LRP8: variants seen among roughly 807,000 people sequenced by gnomAD.
LRP8 encodes the protein low-density lipoprotein receptor-related protein 8.
In LRP8, 46 loss-of-function variants were observed where a neutral mutation model predicts 111.6. The observed-to-expected ratio is 0.41, with a 90% CI of 0.33 to 0.53. LRP8 has a LOEUF of 0.53. Among genes scored for constraint, LRP8 ranks in the 20% least tolerant of loss-of-function variants. The pLI is 0.20. For missense variants in LRP8, 959 were observed against 1,297.4 expected, an observed-to-expected ratio of 0.74 and a Z score of 4.01; for synonymous variants, 464 against 511.2, an observed-to-expected ratio of 0.91 and a Z score of 1.24.
At chr1:53,282,992 C>T (rs147168853) in intron 3 of LRP8, among the ~76,000 whole-genome samples, 8 of 152,226 alleles carry the variant, frequency 5.3e-5, no homozygotes, top group African/African-American at 1.7e-4. Context: ...TAAGTTGTGT[C>T]AGGCTGCTCT....
chr1:53,322,961 T>C (rs566804818), intron 2 of LRP8, among the ~76,000 whole-genome samples: 1 of 152,148 alleles, frequency 6.6e-6, no homozygotes, highest in Non-Finnish European at 1.5e-5. Context: ...GGAGGGGTGA[T>C]GGGTGCTGGG....
intron 2 of LRP8, among the ~76,000 whole-genome samples, chr1:53,325,975 CTG>C (rs1303110844): frequency 6.6e-6 from 1 of 152,232 alleles, no homozygotes; most frequent in Non-Finnish European, 1.5e-5. Context: ...CGCAGACACT[CTG>C]AAACCCTGTG....
chr1:53,327,204 A>C, intron 1 of LRP8: 1 of 617,242 alleles, frequency 1.6e-6, no homozygotes, highest in Middle Eastern at 4.4e-4. Context: ...GAGACCAGGC[A>C]CCTACTTAAA....
intron 2 of LRP8, 117 bp from the exon 3 acceptor site, chr1:53,289,806 G>T: frequency 7.7e-7 from 1 of 1,302,290 alleles, no homozygotes; most frequent in Non-Finnish European, 1.1e-6. Context: ...ACCAAGGGCA[G>T]AGGACAGGAG....
chr1:53,307,329 C>T (rs1572647080), intron 2 of LRP8: 1 of 152,290 alleles, frequency 6.6e-6, no homozygotes, highest in South Asian at 2.1e-4. Flanking sequence ...TACCCCGTCC[C>T]ACCTTCTACA....
intron 8 of LRP8, chr1:53,267,196 T>C (rs1225110130): frequency 6.5e-6 from 1 of 154,066 alleles, no homozygotes; most frequent in African/African-American, 2.4e-5. Context: ...CCAGGCACAG[T>C]GGCTCACACC....
rs555062958 is a variant in LRP8, at chr1:53,292,831, G to A, written c.245-3142C>T. 2.0e-5 allele frequency among the ~76,000 whole-genome samples: 3 copies of A among 152,312 alleles called. No homozygotes were observed. The East Asian group carries it at 5.8e-4, about 29-fold the overall frequency. ...AGCAGGGTCACAGTCTGAACCCACA[G>A]TCAGATGCCTGCTCATCTCCACCAC... On this transcript the variant is annotated intron_variant, in intron 2 of 18. Coordinates refer to ENST00000306052, the MANE Select transcript of LRP8 (RefSeq NM_004631.5).
intron 3 of LRP8, among the ~76,000 whole-genome samples, chr1:53,281,740 A>T (rs1434895159): frequency 6.6e-6 from 1 of 152,218 alleles, no homozygotes; most frequent in African/African-American, 2.4e-5. Context: ...TAAAGTGGGG[A>T]TAATACTATC....
At chr1:53,251,153 C>T (rs572294826) in intron 16 of LRP8, among the ~76,000 whole-genome samples, 1 of 152,288 alleles carries the variant, frequency 6.6e-6, no homozygotes, top group Admixed American at 6.5e-5. Flanking sequence ...CTTTATGTAT[C>T]TGTACTCCCA....
chr1:53,286,392 C>G (rs1036873676), intron 3 of LRP8, among the ~76,000 whole-genome samples: 1 of 152,170 alleles, frequency 6.6e-6, no homozygotes, highest in Non-Finnish European at 1.5e-5. Flanking sequence ...AGAGAGGCCC[C>G]CCTCCCAGGT....
chr1:53,269,504 A>G (rs1199467906), intron 8 of LRP8, among the ~76,000 whole-genome samples: 2 of 151,822 alleles, frequency 1.3e-5, no homozygotes, highest in African/African-American at 2.4e-5. Flanking sequence ...TTTTAGATAT[A>G]GGGTCTTACT....
intron 6 of LRP8, among the ~76,000 whole-genome samples, chr1:53,273,983 A>AC (rs202099758): frequency 7.3e-5 from 11 of 151,242 alleles, no homozygotes; most frequent in Non-Finnish European, 1.3e-4. Context: ...AAAACAAAAA[A>AC]AAACTCATGA....
chr1:53,297,447 G>A (rs1649960378), intron 2 of LRP8, among the ~76,000 whole-genome samples: 2 of 152,210 alleles, frequency 1.3e-5, no homozygotes, highest in Non-Finnish European at 2.9e-5. Flanking sequence ...CAGCACCCGC[G>A]TGTGGTGGGC....
rs1260281290 is a variant in LRP8, at chr1:53,243,419, C to T, written c.*3599G>A. The T allele has an allele frequency of 6.6e-6, 1 of 152,198 alleles. No individual in the cohort carries two copies. The highest frequency in any genetic ancestry group is 2.4e-5 in the African/African-American group (1 of 41,450). The allele number at this position is 152,198 out of a possible 1,614,324, so 9.4% of individuals were successfully genotyped here. On this transcript the variant is annotated 3_prime_UTR_variant, in exon 19 of 19. Transcript: ENST00000306052. The stretch of plus-strand genomic sequence containing the variant: ...ATCTTTGACTCAAATATATGAAAAG[C>T]AGTCAGCATTTCCCTTTGGCCACTG...
chr1:53,277,121 C>A (rs766484811), intron 4 of LRP8, 43 bp from the exon 5 acceptor site: 1 of 1,415,566 alleles, frequency 7.1e-7, no homozygotes, highest in Non-Finnish European at 9.2e-7. Flanking sequence ...ACCCCCTCCC[C>A]GGCCGACCTG....
intron 3 of LRP8, among the ~76,000 whole-genome samples, chr1:53,282,640 T>C (rs894277111): frequency 6.6e-6 from 1 of 152,136 alleles, no homozygotes; most frequent in African/African-American, 2.4e-5. Context: ...CTACTCAAAG[T>C]GCAGGTTCCT....
intron 2 of LRP8, among the ~76,000 whole-genome samples, chr1:53,309,081 T>G (rs891849004): frequency 2.0e-5 from 3 of 151,976 alleles, no homozygotes; most frequent in Non-Finnish European, 4.4e-5. Context: ...TCGAGACCAG[T>G]CTGGCCAACA....
At chr1:53,267,767 A>T (rs1393733477) in intron 8 of LRP8, 1 of 152,238 alleles carries the variant, frequency 6.6e-6, no homozygotes, top group Non-Finnish European at 1.5e-5. Context: ...TCCATATGGG[A>T]GGACACTGTC....
At position 53,279,432 on chromosome 1, in the gene LRP8, G is replaced by T. The variant is rs1647035561; in HGVS notation, c.496+1155C>A. Among the ~76,000 whole-genome samples the T allele has an allele frequency of 6.6e-6, 1 of 152,186 alleles. No homozygotes were observed. The highest frequency in any genetic ancestry group is 1.5e-5 in the Non-Finnish European group (1 of 68,024). On this transcript the variant is annotated intron_variant, in intron 4 of 18. Coordinates refer to ENST00000306052, the MANE Select transcript of LRP8 (RefSeq NM_004631.5). This position sits in a 1 kb window ranked among gnomAD's most constrained non-coding sequence, Gnocchi z 4.4. Reference sequence around the variant, plus strand: ...TCTGATTATGGGGCTTGGTAAAGAGGAAAGAGGATTCTCATTGGCCAGTGA... The same window carrying T: ...TCTGATTATGGGGCTTGGTAAAGAGTAAAGAGGATTCTCATTGGCCAGTGA...
Sources: gnomAD v4.1 joint callset for allele counts (sites outside exome capture counted in the v4.1 genomes callset) on GRCh38, gnomAD v4.1.1 for gene constraint, Gnocchi (gnomAD v3.1) non-coding constraint, MANE v1.5 for transcripts, NCBI Gene and HGNC (gene_info 2026-07-23, HGNC 2026-07-21) for gene names.